The following ITGB8 variants were observed in gnomAD, a reference collection of about 807,000 sequenced individuals.
ITGB8 encodes integrin beta-8.
ITGB8 carries 30 observed loss-of-function variants against 89.5 expected under a neutral mutation model. The observed-to-expected ratio is 0.34, with a 90% CI of 0.25 to 0.45. The LOEUF (loss-of-function observed/expected upper bound fraction) is 0.45, where lower values mean the gene tolerates loss of function less well. Ranked by LOEUF, ITGB8 falls within the 20% of genes least tolerant of loss-of-function variation. The pLI, the probability that ITGB8 is intolerant of heterozygous loss-of-function variation, is 1.00. For missense variants in ITGB8, 836 were observed against 933.3 expected, an observed-to-expected ratio of 0.90 and a Z score of 1.36; for synonymous variants, 335 against 320.4, an observed-to-expected ratio of 1.05 and a Z score of -0.49.
rs561498002 is a variant in ITGB8, at chr7:20,351,733, G to C, written c.128-11904G>C. ...AGCACTAAATCTCTTACAATATAGA[G>C]TGTTGCTTTGCTACTGTAATCAAGT... On this transcript the variant is annotated intron_variant, in intron 1 of 13. Coordinates refer to ENST00000222573, the MANE Select transcript of ITGB8 (RefSeq NM_002214.3). Among the ~76,000 whole-genome samples the C allele has an allele frequency of 9.8e-5, 15 of 152,306 alleles. No homozygotes were observed. The South Asian group carries it at 2.9e-3, about 29-fold the overall frequency.
At chr7:20,352,334 T>C (rs565257607) in intron 1 of ITGB8, 3 of 152,356 alleles carry the variant, frequency 2.0e-5, no homozygotes, top group South Asian at 2.1e-4. Flanking sequence ...AGAAGACAAA[T>C]TGAAGTATTC....
Position 20,409,721 on chromosome 7 carries a change from A to G in ITGB8, c.2130A>G (p.Gln710=). The change falls in exon 13 of 14, where the codon CAA becomes CAG. Residue 710 remains glutamine, a synonymous_variant. Transcript: ENST00000222573. ...TGATCATTAGACAGGTGATACTACA[A>G]TGGAATAGTAATAAAATTAAGTCCT... ...KVLIIRQVIL[Q]WNSNKIKSSS... 6.2e-7 allele frequency: 1 copy of G among 1,611,782 alleles called. No homozygotes were observed. The highest frequency in any genetic ancestry group is 8.5e-7 in the Non-Finnish European group (1 of 1,178,342).
intron 1 of ITGB8, among the ~76,000 whole-genome samples, chr7:20,351,871 T>C (rs1325282684): frequency 1.1e-5 from 1 of 91,478 alleles, no homozygotes; most frequent in Non-Finnish European, 2.1e-5. Flanking sequence ...AGTTTGGACA[T>C]GAATAACAGT....
Position 20,336,000 on chromosome 7 carries a change from CTTTTT to C in ITGB8, c.127+4086_127+4090del, listed in dbSNP as rs201113693. Among the ~76,000 whole-genome samples the C allele has an allele frequency of 4.1e-3, 399 of 96,368 alleles. 2 individuals carry two copies. Among genetic ancestry groups the C allele is most frequent in the African/African-American group, 0.016 (375 of 23,972 alleles). 63.2% of individuals were successfully genotyped at this position (96,368 alleles called of 152,430 possible). Reference sequence around the variant, plus strand: ...ACTTCTCTGATCCAGTCTTGGTTTTCTTTTTTTTTTTTTTTTTTTTTTTGAGACGG... The same window carrying C: ...ACTTCTCTGATCCAGTCTTGGTTTTCTTTTTTTTTTTTTTTTTTGAGACGG... On this transcript the variant is annotated intron_variant, in intron 1 of 13. Transcript: ENST00000222573.
At chr7:20,376,523 T>G (rs1387086613) in intron 3 of ITGB8, among the ~76,000 whole-genome samples, 1 of 152,216 alleles carries the variant, frequency 6.6e-6, no homozygotes, top group Non-Finnish European at 1.5e-5. Context: ...TGTGGAATAC[T>G]GATGCCTAGG....
At chr7:20,358,123 A>T (rs1785362656) in intron 1 of ITGB8, among the ~76,000 whole-genome samples, 1 of 151,848 alleles carries the variant, frequency 6.6e-6, no homozygotes, top group South Asian at 2.1e-4. Context: ...GTGCCACCAC[A>T]CCCAGCTAAT....
chr7:20,351,341 A>G (rs997079766), intron 1 of ITGB8, among the ~76,000 whole-genome samples: 3 of 152,232 alleles, frequency 2.0e-5, no homozygotes, highest in African/African-American at 7.2e-5. Flanking sequence ...ACTGGGTTCA[A>G]ACTTGGTCTC....
chr7:20,338,895 T>TA (rs968054763), intron 1 of ITGB8, among the ~76,000 whole-genome samples: 1 of 102,644 alleles, frequency 9.7e-6, no homozygotes, highest in South Asian at 2.4e-4. Flanking sequence ...TCTATTATTT[T>TA]AAAAAATATC....
At chr7:20,403,873 C>T (rs1157493169) in intron 10 of ITGB8, among the ~76,000 whole-genome samples, 7 of 152,118 alleles carry the variant, frequency 4.6e-5, no homozygotes, top group East Asian at 1.9e-4. Context: ...CCCCTTTTGA[C>T]GATTTCTAGT....
Position 20,356,405 on chromosome 7 carries a change from T to A in ITGB8, c.128-7232T>A, listed in dbSNP as rs182799866. Among the ~76,000 whole-genome samples, 66 of 152,316 alleles carry A rather than the reference T, an allele frequency of 4.3e-4. 1 individual carries two copies. The South Asian group carries it at 9.5e-3, about 22-fold the overall frequency. On this transcript the variant is annotated intron_variant, in intron 1 of 13. Transcript: ENST00000222573. ...TATTTACATGACTATGATATGTATATCTAGAAGGAGGAAAACCCAGTTATA... is the reference window on the plus strand; with the variant it reads ...TATTTACATGACTATGATATGTATAACTAGAAGGAGGAAAACCCAGTTATA...
At position 20,410,166 on chromosome 7, in the gene ITGB8, T is replaced by C; in HGVS notation, c.*169T>C. The C allele has an allele frequency of 1.5e-6, 1 of 652,048 alleles. No homozygotes were observed. The highest frequency in any genetic ancestry group is 2.6e-6 in the Non-Finnish European group (1 of 381,638). The allele number at this position is 652,048 out of a possible 1,614,324, so 40.4% of individuals were successfully genotyped here. A position where few individuals can be genotyped will look rare whatever the true frequency, so the allele number is the denominator to read the frequency against. On this transcript the variant is annotated 3_prime_UTR_variant, in exon 14 of 14. Coordinates refer to ENST00000222573, the MANE Select transcript of ITGB8 (RefSeq NM_002214.3). The stretch of plus-strand genomic sequence containing the variant: ...TATCCTCATCATGATGTGACTCACA[T>C]AGCTGCTGACTTTTTCAGAGAAAAA...
At chr7:20,391,958 A>C (rs1173005404) in intron 7 of ITGB8, among the ~76,000 whole-genome samples, 1 of 152,160 alleles carries the variant, frequency 6.6e-6, no homozygotes, top group African/African-American at 2.4e-5. Context: ...AGGTCATTCA[A>C]TAACGGACCA....
intron 4 of ITGB8, chr7:20,379,583 A>C (rs1437373493): frequency 6.3e-6 from 1 of 157,706 alleles, no homozygotes; most frequent in Non-Finnish European, 1.4e-5. Flanking sequence ...CTTTGAATGA[A>C]GCTTCAATAG....
chr7:20,407,346 T>TA (rs577817113), intron 12 of ITGB8, among the ~76,000 whole-genome samples: 387 of 144,156 alleles, frequency 2.7e-3, no homozygotes, highest in African/African-American at 5.9e-3. Flanking sequence ...TAAAGCTGTT[T>TA]AAAAAAAAAA....
chr7:20,382,069 G>T, intron 6 of ITGB8, 184 bp downstream of exon 6: 3 of 461,816 alleles, frequency 6.5e-6, no homozygotes, highest in Non-Finnish European at 1.1e-5. Flanking sequence ...TAAAATATAT[G>T]AATAAAACAG....
chr7:20,346,232 G>T (rs1474610080), intron 1 of ITGB8, among the ~76,000 whole-genome samples: 1 of 152,160 alleles, frequency 6.6e-6, no homozygotes, highest in Non-Finnish European at 1.5e-5. Flanking sequence ...GGGAAGACAA[G>T]TTCTCAGGGG....
intron 1 of ITGB8, chr7:20,352,923 G>C (rs1427343839): frequency 6.6e-6 from 1 of 152,162 alleles, no homozygotes; most frequent in Non-Finnish European, 1.5e-5. Flanking sequence ...CTTTTTCAAT[G>C]CAAAGTTGAT....
intron 1 of ITGB8, among the ~76,000 whole-genome samples, chr7:20,347,816 A>G: frequency 6.6e-6 from 1 of 152,310 alleles, no homozygotes; most frequent in East Asian, 1.9e-4. Flanking sequence ...TTGTTAGTTC[A>G]TAGTCATCAA....
rs149793267 is a variant in ITGB8, at chr7:20,387,566, T to C, written c.961-3837T>C. On this transcript the variant is annotated intron_variant, in intron 6 of 13. Coordinates refer to ENST00000222573, the MANE Select transcript of ITGB8 (RefSeq NM_002214.3). ...CCCTGCTGGTGGTGTGGTTCTCAACTGGAGTGATTTTACCCTCCAGAGGAC... is the reference window on the plus strand; with the variant it reads ...CCCTGCTGGTGGTGTGGTTCTCAACCGGAGTGATTTTACCCTCCAGAGGAC... 4.6e-3 allele frequency among the ~76,000 whole-genome samples: 695 copies of C among 152,306 alleles called. 3 individuals are homozygous for C. The highest frequency in any genetic ancestry group is 0.016 in the African/African-American group (654 of 41,562).
Sources: gnomAD v4.1 joint callset for allele counts (sites outside exome capture counted in the v4.1 genomes callset) on GRCh38, gnomAD v4.1.1 for gene constraint, MANE v1.5 for transcripts, NCBI Gene and HGNC (gene_info 2026-07-23, HGNC 2026-07-21) for gene names.